Variants in RAPGEF4 observed in about 807,000 individuals in gnomAD.
The protein encoded by RAPGEF4 is RAP guanine-nucleotide-exchange factor (GEF) 4.
RAPGEF4 carries 66 observed loss-of-function variants against 147.9 expected under a neutral mutation model. The ratio of observed to expected loss-of-function variants is 0.45; its 90% CI spans 0.37 to 0.55. RAPGEF4 has a LOEUF of 0.55. Ranked by LOEUF, RAPGEF4 falls within the 20% of genes least tolerant of loss-of-function variation. The pLI is 0.00. For missense variants in RAPGEF4, 1,071 were observed against 1,257.3 expected (o/e 0.85, Z 2.24); for synonymous variants, 419 against 442.7 (o/e 0.95, Z 0.67).
chr2:172,795,242 T>C (rs1335609813), intron 2 of RAPGEF4, 75 bp downstream of exon 2: 11 of 1,423,480 alleles, frequency 7.7e-6, no homozygotes, highest in Non-Finnish European at 1.1e-5. Context: ...TGGAGATAAA[T>C]AGCAAATGGA....
chr2:172,890,425 C>CTA (rs2149899240), intron 4 of RAPGEF4, among the ~76,000 whole-genome samples: 1 of 152,286 alleles, frequency 6.6e-6, no homozygotes, highest in South Asian at 2.1e-4. Context: ...GGAAGTTAGG[C>CTA]TTTATGTAAG....
intron 4 of RAPGEF4, among the ~76,000 whole-genome samples, chr2:172,853,950 G>C (rs535302807): frequency 1.3e-5 from 2 of 151,902 alleles, no homozygotes. Flanking sequence ...GCACACTAGG[G>C]TTTTCGCTCA....
intron 5 of RAPGEF4, among the ~76,000 whole-genome samples, chr2:172,920,234 AT>A (rs1047714179): frequency 7.2e-5 from 11 of 151,852 alleles, no homozygotes; most frequent in Admixed American, 1.3e-4. Flanking sequence ...TATTTTTGAC[AT>A]TTTTTTTCTT....
At chr2:172,764,559 A>G (rs533168842) in intron 1 of RAPGEF4, among the ~76,000 whole-genome samples, 89 of 152,312 alleles carry the variant, frequency 5.8e-4, no homozygotes, top group African/African-American at 2.0e-3. Flanking sequence ...CACTTGTCCC[A>G]ATAAAAGGGT....
chr2:172,787,781 G>C (rs778588635), intron 1 of RAPGEF4, among the ~76,000 whole-genome samples: 3 of 151,806 alleles, frequency 2.0e-5, no homozygotes, highest in Non-Finnish European at 4.4e-5. Flanking sequence ...CAAAATGCTT[G>C]GCTCATTTTT....
chr2:172,849,933 T>C (rs930484211), intron 4 of RAPGEF4, among the ~76,000 whole-genome samples: 3 of 152,160 alleles, frequency 2.0e-5, no homozygotes, highest in African/African-American at 7.2e-5. Flanking sequence ...CAGATAGGAG[T>C]TGGGGAAACC....
intron 1 of RAPGEF4, among the ~76,000 whole-genome samples, chr2:172,787,691 C>T (rs1259205701): frequency 2.0e-5 from 3 of 151,880 alleles, no homozygotes; most frequent in East Asian, 3.9e-4. Flanking sequence ...GTGATCATGG[C>T]TCATTGCAGC....
chr2:172,796,354 G>A (rs1184333294), intron 2 of RAPGEF4, among the ~76,000 whole-genome samples: 1 of 152,104 alleles, frequency 6.6e-6, no homozygotes, highest in African/African-American at 2.4e-5. Context: ...GGGAGGCTGA[G>A]GTGGGTGGAT....
chr2:172,965,927 T>C (rs1408832696), intron 9 of RAPGEF4, among the ~76,000 whole-genome samples: 1 of 152,202 alleles, frequency 6.6e-6, no homozygotes, highest in Non-Finnish European at 1.5e-5. Flanking sequence ...GCAGCCCGAG[T>C]GCATCAGTTC....
At chr2:172,976,040 A>C (rs1055009115) in intron 10 of RAPGEF4, among the ~76,000 whole-genome samples, 1 of 152,252 alleles carries the variant, frequency 6.6e-6, no homozygotes, top group Non-Finnish European at 1.5e-5. Flanking sequence ...GACAGGGATG[A>C]CTTCATTTCT....
At chr2:173,023,008 T>G (rs1424261134) in intron 23 of RAPGEF4, among the ~76,000 whole-genome samples, 1 of 152,178 alleles carries the variant, frequency 6.6e-6, no homozygotes, top group South Asian at 2.1e-4. Context: ...AAAATGGTCT[T>G]GAAGACAAAA....
chr2:173,037,324 G>T (rs371109283), intron 29 of RAPGEF4, among the ~76,000 whole-genome samples: 1 of 152,072 alleles, frequency 6.6e-6, no homozygotes, highest in South Asian at 2.1e-4. Flanking sequence ...GGGCTCAAGC[G>T]CTCTTCCTGC....
intron 4 of RAPGEF4, among the ~76,000 whole-genome samples, chr2:172,903,252 C>G (rs2553013): frequency 0.54 from 82,137 of 151,498 alleles, 22,700 homozygotes; most frequent in East Asian, 0.67. Context: ...ACCTGTAGTC[C>G]CAGCTACTCA....
At chr2:173,049,522 A>G (rs972656990) in intron 30 of RAPGEF4, among the ~76,000 whole-genome samples, 2 of 152,268 alleles carry the variant, frequency 1.3e-5, no homozygotes, top group Non-Finnish European at 2.9e-5. Context: ...GTCTCCTCCA[A>G]TAAACCGAGT....
At chr2:173,018,944 A>G in intron 22 of RAPGEF4, 142 bp downstream of exon 22, 2 of 942,494 alleles carry the variant, frequency 2.1e-6, no homozygotes, top group Non-Finnish European at 3.2e-6. Context: ...TAATAACAGA[A>G]ACAGTATGGG....
intron 8 of RAPGEF4, among the ~76,000 whole-genome samples, chr2:172,961,484 A>G (rs1315824760): frequency 6.6e-6 from 1 of 152,158 alleles, no homozygotes; most frequent in Non-Finnish European, 1.5e-5. Flanking sequence ...AAATTTTTGT[A>G]ATTTCTTTTT....
In RAPGEF4 at chr2:172,781,938, G is replaced by A. The variant is rs983348579; in HGVS notation, c.66-13087G>A. ...TTTGTGGTTGGTTGATTCTTCAGAC[G>A]CAGAACCCACAGATATGGAGGGCCA... On this transcript the variant is annotated intron_variant, in intron 1 of 30. Transcript: ENST00000397081. Among the ~76,000 whole-genome samples, 9 of 151,996 alleles carry A rather than the reference G, an allele frequency of 5.9e-5. No homozygotes were observed. In the South Asian group the frequency reaches 8.3e-4, roughly 14 times the overall value.
chr2:172,838,292 C>T (rs1483950327), intron 4 of RAPGEF4, among the ~76,000 whole-genome samples: 2 of 152,086 alleles, frequency 1.3e-5, no homozygotes, highest in Non-Finnish European at 2.9e-5. Flanking sequence ...ATTTTAACTT[C>T]AGTACACTTC....
chr2:172,794,384 A>G lies in RAPGEF4; in HGVS notation c.66-641A>G, dbSNP rs115566326. ...AAAAAAAGAAAAAAGAAAAAAGCAGACAAATGTCCACACACCTAGATTTAC... is the reference window on the plus strand; with the variant it reads ...AAAAAAAGAAAAAAGAAAAAAGCAGGCAAATGTCCACACACCTAGATTTAC... On this transcript the variant is annotated intron_variant, in intron 1 of 30. Transcript: ENST00000397081. 5.1e-3 allele frequency among the ~76,000 whole-genome samples: 780 copies of G among 151,886 alleles called. 4 individuals are homozygous for G. Among genetic ancestry groups the G allele is most frequent in the African/African-American group, 0.014 (591 of 41,456 alleles).
Sources: gnomAD v4.1 joint callset for allele counts (sites outside exome capture counted in the v4.1 genomes callset) on GRCh38, gnomAD v4.1.1 for gene constraint, MANE v1.5 for transcripts, NCBI Gene and HGNC (gene_info 2026-07-23, HGNC 2026-07-21) for gene names.